HEPACAM2: variants seen among roughly 807,000 people sequenced by gnomAD.
HEPACAM2 encodes mitotic kinetics regulator.
Under a neutral mutation model 49.6 loss-of-function variants are expected in HEPACAM2, and 49 were observed. The ratio of observed to expected loss-of-function variants is 0.99; its 90% CI spans 0.78 to 1.25. HEPACAM2 has a LOEUF of 1.25. Among genes scored for constraint, HEPACAM2 ranks in the 50% most tolerant of loss-of-function variants. The pLI is 0.00. For missense variants in HEPACAM2, 525 were observed against 557.2 expected (o/e 0.94, Z 0.58); for synonymous variants, 197 against 202.9 (o/e 0.97, Z 0.25).
chr7:93,222,430 A>G (rs1248187589), intron 1 of HEPACAM2, among the ~76,000 whole-genome samples: 1 of 152,038 alleles, frequency 6.6e-6, no homozygotes, highest in African/African-American at 2.4e-5. Flanking sequence ...GAAAATATTT[A>G]CAAGTGTTTC....
Position 93,208,867 on chromosome 7 carries a change from TA to T in HEPACAM2, c.724del (p.Tyr242MetfsTer5). ...TTTATCAGAATTCACTTGAAGTCCA[TA>T]AGGTCCATCTGCATCAATATAAAAA... ...IIMPIIYYGPYGLQVNSDKGL... is the reference protein window; with the variant it reads ...IIMPIIYYGPXGLQVNSDKGL... On this transcript the variant is annotated frameshift_variant, in exon 4 of 10. Coordinates refer to ENST00000394468, the MANE Select transcript of HEPACAM2 (RefSeq NM_001039372.4). LOFTEE classifies it high-confidence loss of function. The T allele has an allele frequency of 3.1e-6, 5 of 1,599,292 alleles. No homozygotes were observed. Among genetic ancestry groups the T allele is most frequent in the Non-Finnish European group, 4.3e-6 (5 of 1,172,854 alleles).
At chr7:93,218,863 T>A (rs1794377855) in intron 2 of HEPACAM2, among the ~76,000 whole-genome samples, 1 of 152,204 alleles carries the variant, frequency 6.6e-6, no homozygotes, top group Non-Finnish European at 1.5e-5. Flanking sequence ...AAGTTATACT[T>A]AGTGCTTGAT....
At chr7:93,195,218 C>T (rs1351882268) in intron 8 of HEPACAM2, among the ~76,000 whole-genome samples, 1 of 151,982 alleles carries the variant, frequency 6.6e-6, no homozygotes, top group Non-Finnish European at 1.5e-5. Context: ...GTCTCCTGAT[C>T]CGCTGTTTAT....
At position 93,201,638 on chromosome 7, in the gene HEPACAM2, C is replaced by T. The variant is rs534469709; in HGVS notation, c.1013-4028G>A. 2.6e-5 allele frequency among the ~76,000 whole-genome samples: 4 copies of T among 152,144 alleles called. No individual in the cohort carries two copies. In the East Asian group the frequency reaches 7.7e-4, roughly 29 times the overall value. ...TCTAACAACAATTCCATGCTCTTTCCACCACTCTTACCTAATCATTATAGA... is the reference window on the plus strand; with the variant it reads ...TCTAACAACAATTCCATGCTCTTTCTACCACTCTTACCTAATCATTATAGA... On this transcript the variant is annotated intron_variant, in intron 4 of 9. Coordinates refer to ENST00000394468, the MANE Select transcript of HEPACAM2 (RefSeq NM_001039372.4).
intron 1 of HEPACAM2, among the ~76,000 whole-genome samples, chr7:93,221,920 A>G (rs1053712059): frequency 6.6e-6 from 1 of 152,174 alleles, no homozygotes; most frequent in African/African-American, 2.4e-5. Flanking sequence ...GCCAAGTGTA[A>G]GACTATTAAA....
At chr7:93,209,429 T>A (rs1794120645) in intron 3 of HEPACAM2, among the ~76,000 whole-genome samples, 1 of 152,006 alleles carries the variant, frequency 6.6e-6, no homozygotes, top group African/African-American at 2.4e-5. Context: ...TATTATTTCC[T>A]TTTGTTGGGT....
intron 9 of HEPACAM2, among the ~76,000 whole-genome samples, chr7:93,189,774 A>G (rs753824202): frequency 3.7e-4 from 56 of 152,050 alleles, no homozygotes; most frequent in Non-Finnish European, 6.3e-4. Context: ...TTTCCTACTC[A>G]GAAGTGACTG....
intron 4 of HEPACAM2, among the ~76,000 whole-genome samples, 186 bp downstream of exon 4, chr7:93,208,394 A>C (rs928298361): frequency 6.6e-6 from 1 of 151,824 alleles, no homozygotes; most frequent in Admixed American, 6.6e-5. Context: ...CCCCTATTTC[A>C]TTTTGAATTT....
chr7:93,212,433 T>C (rs1466013199), intron 3 of HEPACAM2, among the ~76,000 whole-genome samples: 1 of 152,020 alleles, frequency 6.6e-6, no homozygotes, highest in Admixed American at 6.6e-5. Context: ...CCTAACACTT[T>C]GAAGCATTTC....
intron 3 of HEPACAM2, among the ~76,000 whole-genome samples, chr7:93,214,047 C>T (rs1794243328): frequency 6.6e-6 from 1 of 151,954 alleles, no homozygotes; most frequent in Admixed American, 6.6e-5. Context: ...GCAACAAAAC[C>T]AACCAACCAG....
intron 2 of HEPACAM2, among the ~76,000 whole-genome samples, chr7:93,218,453 G>A (rs1277154756): frequency 6.6e-6 from 1 of 152,114 alleles, no homozygotes; most frequent in Non-Finnish European, 1.5e-5. Flanking sequence ...GAGGTCAACG[G>A]TGACTACAAG....
intron 2 of HEPACAM2, 31 bp from the exon 3 acceptor site, chr7:93,215,716 T>C (rs1794293136): frequency 6.3e-7 from 1 of 1,593,454 alleles, no homozygotes; most frequent in Admixed American, 1.7e-5. Context: ...TGAATGATTT[T>C]TTCTTTTCAT....
chr7:93,190,165 C>A (rs1352486799), intron 9 of HEPACAM2, among the ~76,000 whole-genome samples: 4 of 151,758 alleles, frequency 2.6e-5, no homozygotes, highest in African/African-American at 9.7e-5. Flanking sequence ...AAAATAAGTG[C>A]AAAATAGTTT....
At chr7:93,201,757 T>A (rs192404956) in intron 4 of HEPACAM2, among the ~76,000 whole-genome samples, 1 of 152,166 alleles carries the variant, frequency 6.6e-6, no homozygotes, top group East Asian at 1.9e-4. Context: ...CTGTATATGA[T>A]GTCATCTTAA....
At chr7:93,218,952 T>C (rs1399701348) in intron 2 of HEPACAM2, 149 bp downstream of exon 2, 2 of 634,532 alleles carry the variant, frequency 3.2e-6, no homozygotes, top group Non-Finnish European at 5.5e-6. Flanking sequence ...GATAATGTCA[T>C]TAGTGCCATG....
At chr7:93,202,111 T>C (rs1185796367) in intron 4 of HEPACAM2, among the ~76,000 whole-genome samples, 9 of 128,788 alleles carry the variant, frequency 7.0e-5, no homozygotes, top group Non-Finnish European at 1.5e-4. Context: ...TGAAAAAAAA[T>C]ACCAAATAAT....
chr7:93,219,071 G>T (rs1794383574), intron 2 of HEPACAM2, 30 bp downstream of exon 2: 1 of 1,589,524 alleles, frequency 6.3e-7, no homozygotes, highest in Non-Finnish European at 8.6e-7. Flanking sequence ...ATGCTAGACT[G>T]CTGCCCTCGT....
intron 4 of HEPACAM2, among the ~76,000 whole-genome samples, chr7:93,199,100 C>CA (rs1367336558): frequency 6.6e-6 from 1 of 152,056 alleles, no homozygotes; most frequent in Non-Finnish European, 1.5e-5. Flanking sequence ...TTTTCATTAT[C>CA]AAAAATCTTC....
chr7:93,207,485 G>C (rs1360653292), intron 4 of HEPACAM2, among the ~76,000 whole-genome samples: 3 of 151,856 alleles, frequency 2.0e-5, no homozygotes, highest in African/African-American at 7.2e-5. Context: ...AGGGGAGAGG[G>C]AGAAGGAGAA....
Sources: allele counts gnomAD v4.1 joint callset (sites outside exome capture counted in the v4.1 genomes callset), GRCh38; gene constraint gnomAD v4.1.1; transcripts MANE v1.5; gene names NCBI Gene and HGNC (gene_info 2026-07-23, HGNC 2026-07-21).